Variants in ECE1 observed in about 807,000 individuals in gnomAD.
ECE1 encodes endothelin-converting enzyme 1.
A neutral mutation model predicts 98.6 loss-of-function variants in ECE1; 35 were observed. The observed-to-expected ratio is 0.35, with a 90% CI of 0.27 to 0.47. ECE1 has a LOEUF of 0.47. ECE1 is among the 20% of genes least tolerant of loss of function. The probability of loss-of-function intolerance (pLI) is 1.00; values close to 1 mark genes in which losing one functional copy is unlikely to be tolerated. For missense variants in ECE1, 814 were observed against 1,025.3 expected, an observed-to-expected ratio of 0.79 and a Z score of 2.81; for synonymous variants, 394 against 407.1, an observed-to-expected ratio of 0.97 and a Z score of 0.39.
At chr1:21,267,535 A>G (rs1055995005) in intron 4 of ECE1, among the ~76,000 whole-genome samples, 1 of 152,202 alleles carries the variant, frequency 6.6e-6, no homozygotes, top group Non-Finnish European at 1.5e-5. Flanking sequence ...CCGTGATTCA[A>G]TGACCTCCCA....
chr1:21,257,624 T>C, intron 6 of ECE1, 34 bp from the exon 7 acceptor site: 1 of 1,611,564 alleles, frequency 6.2e-7, no homozygotes, highest in South Asian at 1.1e-5. Flanking sequence ...AGGGAATTCG[T>C]GTTGCAATGC....
chr1:21,299,125 T>C (rs1222923534), intron 1 of ECE1: 2 of 311,376 alleles, frequency 6.4e-6, no homozygotes, highest in South Asian at 2.7e-5. Context: ...TGATATGGTA[T>C]AATGGTGATG....
intron 14 of ECE1, among the ~76,000 whole-genome samples, chr1:21,230,805 A>C (rs920603180): frequency 2.0e-5 from 3 of 152,226 alleles, no homozygotes; most frequent in Non-Finnish European, 4.4e-5. Context: ...AAGTAAAACG[A>C]TACCTCTCTT....
intron 2 of ECE1, among the ~76,000 whole-genome samples, chr1:21,283,363 C>T (rs1480327615): frequency 2.6e-5 from 4 of 151,806 alleles, no homozygotes; most frequent in Non-Finnish European, 4.4e-5. Context: ...CTCTGTCTCC[C>T]GAGTTCAAGC....
chr1:21,274,833 A>G (rs553824730), intron 3 of ECE1, among the ~76,000 whole-genome samples: 1 of 152,358 alleles, frequency 6.6e-6, no homozygotes, highest in East Asian at 1.9e-4. Context: ...GAGGTGTGCC[A>G]TAAAAAAATT....
intron 8 of ECE1, 69 bp from the exon 9 acceptor site, chr1:21,247,432 G>T: frequency 1.2e-6 from 2 of 1,611,008 alleles, no homozygotes; most frequent in Non-Finnish European, 1.7e-6. Flanking sequence ...TCTAGGACGG[G>T]CTTCTACAGG....
intron 11 of ECE1, among the ~76,000 whole-genome samples, chr1:21,237,439 T>TG (rs1250256285): frequency 6.6e-6 from 1 of 152,160 alleles, no homozygotes; most frequent in East Asian, 1.9e-4. Context: ...ACTCAGACCC[T>TG]GCCCAGCTGC....
At position 21,231,054 on chromosome 1, in the gene ECE1, C is replaced by T. The variant is rs150489612; in HGVS notation, c.1670+2504G>A. Among the ~76,000 whole-genome samples, 804 of 151,874 alleles carry T rather than the reference C, an allele frequency of 5.3e-3. 7 individuals carry two copies. Among genetic ancestry groups the T allele is most frequent in the African/African-American group, 0.019 (772 of 41,406 alleles). On this transcript the variant is annotated intron_variant, in intron 14 of 18. Coordinates refer to ENST00000374893, the MANE Select transcript of ECE1 (RefSeq NM_001397.3). Reference sequence around the variant, plus strand: ...TGTTGGTCAGGCTGGTCTTGAACTCCCGACCTCAGGTGATCCACCCGCCTT... The same window carrying T: ...TGTTGGTCAGGCTGGTCTTGAACTCTCGACCTCAGGTGATCCACCCGCCTT...
intron 14 of ECE1, 132 bp from the exon 15 acceptor site, chr1:21,228,173 A>C: frequency 1.6e-6 from 1 of 629,376 alleles, no homozygotes; most frequent in Non-Finnish European, 2.8e-6. Flanking sequence ...CCCAGGCCCA[A>C]GTGCACACAA....
chr1:21,325,094 T>C (rs947724982), intron 1 of ECE1, among the ~76,000 whole-genome samples: 1 of 152,202 alleles, frequency 6.6e-6, no homozygotes, highest in Non-Finnish European at 1.5e-5. Flanking sequence ...TTGAGACTGG[T>C]TGCAAAACTG....
rs867289330 is a variant in ECE1, at chr1:21,221,983, G to C, written c.2041-141C>G. On this transcript the variant is annotated intron_variant, in intron 17 of 18. Transcript: ENST00000374893. ...ATCTGGGCCTGGGCTCAGCCTAGGG[G>C]AGCCCTCTTCTTGATGTGCACTCGT... 7 of 776,594 alleles carry C rather than the reference G, an allele frequency of 9.0e-6. No homozygotes were observed. The African/African-American group carries it at 1.2e-4, about 13-fold the overall frequency. 48.1% of individuals were successfully genotyped at this position (776,594 alleles called of 1,614,324 possible).
intron 3 of ECE1, among the ~76,000 whole-genome samples, chr1:21,275,877 C>G (rs2098245920): frequency 6.6e-6 from 1 of 152,092 alleles, no homozygotes; most frequent in Non-Finnish European, 1.5e-5. Flanking sequence ...GGCCTGGGTG[C>G]CTGCTCTGCT....
At chr1:21,275,450 C>T (rs2098245393) in intron 3 of ECE1, among the ~76,000 whole-genome samples, 1 of 152,024 alleles carries the variant, frequency 6.6e-6, no homozygotes, top group Non-Finnish European at 1.5e-5. Flanking sequence ...CAAAAATTAG[C>T]CAGGTATGAT....
Position 21,345,357 on chromosome 1 carries a change from C to A in ECE1, c.3+19G>T. 1 of 1,360,286 alleles carries A rather than the reference C, an allele frequency of 7.4e-7. No individual in the cohort carries two copies. The highest frequency in any genetic ancestry group is 9.5e-7 in the Non-Finnish European group (1 of 1,047,748). 84.3% of individuals were successfully genotyped at this position (1,360,286 alleles called of 1,614,324 possible). ...GAGGCTGGGCTGGACCGGACCAGACCTCCGCGCGCAGCACTCACCATAGCT... is the reference window on the plus strand; with the variant it reads ...GAGGCTGGGCTGGACCGGACCAGACATCCGCGCGCAGCACTCACCATAGCT... On this transcript the variant is annotated intron_variant, in intron 1 of 18. Coordinates refer to the ECE1 transcript ENST00000415912. This position sits in a 1 kb window ranked among gnomAD's most constrained non-coding sequence, Gnocchi z 5.1.
In ECE1 at chr1:21,246,237, T is replaced by C. The variant is rs549938779; in HGVS notation, c.1163+984A>G. Among the ~76,000 whole-genome samples the C allele has an allele frequency of 2.0e-5, 3 of 152,264 alleles. No homozygotes were observed. The East Asian group carries it at 5.8e-4, about 29-fold the overall frequency. On this transcript the variant is annotated intron_variant, in intron 9 of 18. Coordinates refer to ENST00000374893, the MANE Select transcript of ECE1 (RefSeq NM_001397.3). ...AAGTATTGCTGGGTGTGGTGGCTTA[T>C]GCCTGTAATCCTAGCTCTTTGGGAG...
chr1:21,325,900 G>A (rs1639068626), intron 1 of ECE1, among the ~76,000 whole-genome samples: 1 of 152,184 alleles, frequency 6.6e-6, no homozygotes, highest in Non-Finnish European at 1.5e-5. Context: ...GGGTGCCCCG[G>A]CTGCTCTCCG....
chr1:21,309,466 G>C lies in ECE1; in HGVS notation c.4-19310C>G, dbSNP rs551806785. ...TGTTTGGAGTAGTGCCTGGTATGCA[G>C]TGAGCGCTGGCTTGGTTGGGTGAAT... On this transcript the variant is annotated intron_variant, in intron 1 of 18. Coordinates refer to the ECE1 transcript ENST00000415912. Among the ~76,000 whole-genome samples the C allele has an allele frequency of 5.3e-5, 8 of 152,374 alleles. No homozygotes were observed. The East Asian group carries it at 1.3e-3, about 26-fold the overall frequency.
intron 4 of ECE1, among the ~76,000 whole-genome samples, chr1:21,262,253 T>C (rs2098227978): frequency 6.6e-6 from 1 of 152,040 alleles, no homozygotes; most frequent in South Asian, 2.1e-4. Flanking sequence ...CTGGAGACCA[T>C]GGGCTACTGG....
Position 21,290,172 on chromosome 1 carries a change from C to A in ECE1, c.52-16G>T. The A allele has an allele frequency of 6.5e-7, 1 of 1,548,368 alleles. No individual in the cohort carries two copies. The highest frequency in any genetic ancestry group is 2.6e-5 in the East Asian group (1 of 38,360). On this transcript the variant is annotated splice_polypyrimidine_tract_variant and intron_variant, in intron 1 of 18. Coordinates refer to ENST00000374893, the MANE Select transcript of ECE1 (RefSeq NM_001397.3). The surrounding 1 kb of genome is among the most constrained non-coding windows in gnomAD (Gnocchi z 7.3). ...ACGTCGACATCTGCAAGGCCAAATG[C>A]AGCACGGACTCCCTCAGCGCCTCCA...
Sources: gnomAD v4.1 joint callset for allele counts (sites outside exome capture counted in the v4.1 genomes callset) on GRCh38, gnomAD v4.1.1 for gene constraint, Gnocchi (gnomAD v3.1) non-coding constraint, MANE v1.5 for transcripts, NCBI Gene and HGNC (gene_info 2026-07-23, HGNC 2026-07-21) for gene names.